SYT16: variants seen among roughly 807,000 people sequenced by gnomAD.
The protein encoded by SYT16 is synaptotagmin 16.
A neutral mutation model predicts 61.4 loss-of-function variants in SYT16; 42 were observed. That is an observed-to-expected ratio of 0.68 (90% CI 0.53 to 0.89). The LOEUF (loss-of-function observed/expected upper bound fraction) is 0.89, where lower values mean the gene tolerates loss of function less well. SYT16 is among the 40% of genes least tolerant of loss of function. The probability of loss-of-function intolerance (pLI) is 0.00; values close to 1 mark genes in which losing one functional copy is unlikely to be tolerated. For missense variants in SYT16, 804 were observed against 807.3 expected, an observed-to-expected ratio of 1.00 and a Z score of 0.05; for synonymous variants, 314 against 302.3, an observed-to-expected ratio of 1.04 and a Z score of -0.40.
intron 1 of SYT16, among the ~76,000 whole-genome samples, chr14:61,912,268 C>T (rs368352624): frequency 1.3e-5 from 2 of 152,158 alleles, no homozygotes; most frequent in East Asian, 1.9e-4. Context: ...AGGGGGAACA[C>T]GTGGGCTTCT....
intron 1 of SYT16, among the ~76,000 whole-genome samples, chr14:61,902,845 G>A (rs1192871302): frequency 6.6e-6 from 1 of 152,138 alleles, no homozygotes; most frequent in Non-Finnish European, 1.5e-5. Context: ...CCCTTACAAA[G>A]CCATCAGATC....
intron 1 of SYT16, among the ~76,000 whole-genome samples, chr14:61,860,320 G>T (rs1428321347): frequency 6.6e-6 from 1 of 152,230 alleles, no homozygotes; most frequent in Non-Finnish European, 1.5e-5. Context: ...AATTATAGGA[G>T]TGTAGTAATA....
chr14:62,075,461 A>C, intron 5 of SYT16, 70 bp downstream of exon 5: 37 of 1,388,264 alleles, frequency 2.7e-5, no homozygotes, highest in East Asian at 4.7e-5. Context: ...CTCCTTTCTC[A>C]TCTCTCTAAA....
In SYT16 at chr14:61,995,989, A is replaced by G; in HGVS notation, c.-31A>G. On this transcript the variant is annotated 5_prime_UTR_variant, in exon 3 of 8. Coordinates refer to ENST00000683842, the MANE Select transcript of SYT16 (RefSeq NM_001367656.1). ...TCCAGAGCACTGAAGGAACTGAACA[A>G]CTGGACACTGTAGACATCAGATAGC... The G allele has an allele frequency of 6.5e-7, 1 of 1,540,058 alleles. No homozygotes were observed. Among genetic ancestry groups the G allele is most frequent in the Non-Finnish European group, 8.7e-7 (1 of 1,146,366 alleles).
Position 61,840,412 on chromosome 14 carries a change from G to A in SYT16, c.-325+27602G>A, listed in dbSNP as rs78047371. ...GAGAGTGAGTAGAGTAAGGAGAAAC[G>A]TTAAGGTGAAAACTGTGGGGATATA... On this transcript the variant is annotated intron_variant, in intron 1 of 7. Coordinates refer to ENST00000683842, the MANE Select transcript of SYT16 (RefSeq NM_001367656.1). Among the ~76,000 whole-genome samples the A allele has an allele frequency of 2.8e-3, 432 of 152,208 alleles. 7 individuals are homozygous for A. Among genetic ancestry groups the A allele is most frequent in the Admixed American group, 0.019 (297 of 15,292 alleles).
chr14:62,026,070 C>T (rs1162772857), intron 3 of SYT16, among the ~76,000 whole-genome samples: 1 of 152,022 alleles, frequency 6.6e-6, no homozygotes, highest in African/African-American at 2.4e-5. Flanking sequence ...CTTTTATATG[C>T]CTTATAGTAA....
intron 3 of SYT16, among the ~76,000 whole-genome samples, chr14:62,045,852 T>G (rs1198476282): frequency 6.6e-6 from 1 of 152,194 alleles, no homozygotes; most frequent in African/African-American, 2.4e-5. Context: ...CAGTCTATCA[T>G]TGTTGGACAT....
At chr14:61,967,734 T>C (rs1321684142) in intron 1 of SYT16, among the ~76,000 whole-genome samples, 1 of 152,114 alleles carries the variant, frequency 6.6e-6, no homozygotes, top group Non-Finnish European at 1.5e-5. Context: ...CTTTATTCCA[T>C]ATAGGGTCAC....
At chr14:62,059,795 CACA>C (rs2055745363) in intron 3 of SYT16, among the ~76,000 whole-genome samples, 1 of 150,942 alleles carries the variant, frequency 6.6e-6, no homozygotes, top group African/African-American at 2.4e-5. Context: ...CACACACACA[CACA>C]CACTCAATGT....
chr14:62,081,137 G>A lies in SYT16; in HGVS notation c.1297G>A (p.Val433Ile), dbSNP rs375720038. 3.1e-6 allele frequency: 5 copies of A among 1,613,968 alleles called. 1 individual carries two copies. The African/African-American group carries it at 5.3e-5, about 17-fold the overall frequency. The change falls in exon 6 of 8, where the codon GTC becomes ATC. Residue 433 changes from valine (V) to isoleucine (I), a missense_variant. Physicochemically the swap from Val to Ile is conservative, Grantham distance 29. Transcript: ENST00000683842. The stretch of plus-strand genomic sequence containing the variant: ...GCCCAGAGATGTGGCTGCCTGTGCT[G>A]TCCGCTTCCGCCTGTACGCTGCCCG... ...LEPRDVAACA[V>I]RFRLYAARKM...
At chr14:62,056,404 C>A (rs139059691) in intron 3 of SYT16, among the ~76,000 whole-genome samples, 5 of 152,122 alleles carry the variant, frequency 3.3e-5, no homozygotes, top group African/African-American at 1.2e-4. Context: ...AGGGTTTGTA[C>A]AAGGAATAGT....
intron 3 of SYT16, among the ~76,000 whole-genome samples, chr14:62,038,440 A>C (rs565592606): frequency 6.6e-6 from 1 of 152,038 alleles, no homozygotes; most frequent in East Asian, 2.0e-4. Flanking sequence ...GAGCTGGCAG[A>C]GTGGAGCTAT....
intron 3 of SYT16, among the ~76,000 whole-genome samples, chr14:62,065,907 T>C (rs2056041119): frequency 6.6e-6 from 1 of 152,236 alleles, no homozygotes; most frequent in Non-Finnish European, 1.5e-5. Flanking sequence ...GCCTAGCTTA[T>C]TGGAGTAATG....
chr14:61,931,923 GA>G (rs2049788996), intron 1 of SYT16, among the ~76,000 whole-genome samples: 1 of 152,200 alleles, frequency 6.6e-6, no homozygotes. Flanking sequence ...ATATGTATTA[GA>G]AAACTGCCCT....
At chr14:61,988,984 T>C (rs1280660750) in intron 2 of SYT16, among the ~76,000 whole-genome samples, 1 of 152,156 alleles carries the variant, frequency 6.6e-6, no homozygotes, top group Non-Finnish European at 1.5e-5. Flanking sequence ...GTATTACACA[T>C]ATAAACCTGG....
At chr14:62,028,879 G>A (rs2054201528) in intron 3 of SYT16, among the ~76,000 whole-genome samples, 1 of 152,162 alleles carries the variant, frequency 6.6e-6, no homozygotes, top group African/African-American at 2.4e-5. Context: ...CATAATGACA[G>A]TACCTTAAAG....
At chr14:61,894,305 A>AG (rs1343261142) in intron 1 of SYT16, among the ~76,000 whole-genome samples, 1 of 151,618 alleles carries the variant, frequency 6.6e-6, no homozygotes, top group Non-Finnish European at 1.5e-5. Flanking sequence ...AAAAAAAAAA[A>AG]AAGCCTGTTC....
At chr14:61,890,858 C>T (rs764988068) in intron 1 of SYT16, among the ~76,000 whole-genome samples, 1 of 152,056 alleles carries the variant, frequency 6.6e-6, no homozygotes, top group Non-Finnish European at 1.5e-5. Flanking sequence ...ATTAGCATGG[C>T]TGGGTTGATT....
chr14:61,967,315 T>C (rs1049985481), intron 1 of SYT16, among the ~76,000 whole-genome samples: 4 of 152,196 alleles, frequency 2.6e-5, no homozygotes, highest in Non-Finnish European at 4.4e-5. Context: ...ATTCAGATTT[T>C]GTCCTCTGGG....
Sources: gnomAD v4.1 joint callset for allele counts (sites outside exome capture counted in the v4.1 genomes callset) on GRCh38, gnomAD v4.1.1 for gene constraint, MANE v1.5 for transcripts, NCBI Gene and HGNC (gene_info 2026-07-23, HGNC 2026-07-21) for gene names.